CFAP92: variants seen among roughly 807,000 people sequenced by gnomAD.
CFAP92 encodes cilia and flagella associated protein 92 (putative).
A neutral mutation model predicts 106.3 loss-of-function variants in CFAP92; 86 were observed. The ratio of observed to expected loss-of-function variants is 0.81; its 90% CI spans 0.68 to 0.97. The LOEUF (loss-of-function observed/expected upper bound fraction) is 0.97, where lower values mean the gene tolerates loss of function less well. Among genes scored for constraint, CFAP92 ranks in the 50% least tolerant of loss-of-function variants. The probability of loss-of-function intolerance (pLI) is 0.00; values close to 1 mark genes in which losing one functional copy is unlikely to be tolerated. For synonymous variants in CFAP92, 477 were observed against 506.4 expected (o/e 0.94, Z 0.78); for missense variants, 1,204 against 1,283.8 (o/e 0.94, Z 0.95).
rs1576562891 is a variant in CFAP92, at chr3:128,967,336, A to G, written c.1169-1641T>C. 2.6e-5 allele frequency: 4 copies of G among 152,284 alleles called. No homozygotes were observed. In the South Asian group the frequency reaches 8.3e-4, roughly 32 times the overall value. 9.4% of individuals were successfully genotyped at this position (152,284 alleles called of 1,614,324 possible). On this transcript the variant is annotated intron_variant, in intron 8 of 15. Coordinates refer to ENST00000645291, the MANE Select transcript of CFAP92 (RefSeq NM_001394090.1). ...GCTCCCGCAGGATCCTCTTTAACAA[A>G]GCTGATTCATAAAAGCTGTCACCCA...
rs756247621 is a variant in CFAP92 at position 128,912,547 on chromosome 3, C to T, written c.3281-2214G>A. The T allele has an allele frequency of 1.9e-6, 3 of 1,614,014 alleles. No homozygotes were observed. Among genetic ancestry groups the T allele is most frequent in the Non-Finnish European group, 2.5e-6 (3 of 1,180,030 alleles). On this transcript the variant is annotated intron_variant, in intron 15 of 15. Transcript: ENST00000645291. ...TAGATGAGCAGATTAAGAAAGTGTC[C>T]CAGCAGATCCTTGAGAAGCGAGCCT...
At chr3:128,992,932 T>G in intron 2 of CFAP92, 111 bp downstream of exon 2, 1 of 1,324,670 alleles carries the variant, frequency 7.5e-7, no homozygotes, top group Non-Finnish European at 1.1e-6. Flanking sequence ...CAGCCCGCTT[T>G]GGGGTGGGGC....
intron 1 of CFAP92, among the ~76,000 whole-genome samples, chr3:128,999,531 CTTTTTT>C (rs5852556): frequency 2.8e-5 from 2 of 71,582 alleles, no homozygotes; most frequent in African/African-American, 6.2e-5. Context: ...AAATCAGGTT[CTTTTTT>C]TTTTTTTTTT....
intron 12 of CFAP92, among the ~76,000 whole-genome samples, chr3:128,922,051 A>G (rs548608202): frequency 1.3e-5 from 2 of 152,162 alleles, no homozygotes; most frequent in African/African-American, 2.4e-5. Context: ...GAGAAATTCA[A>G]TTAGTTTGCT....
In CFAP92 at chr3:128,978,148, A is replaced by G. The variant is rs1180801772; in HGVS notation, c.705T>C (p.Ser235=). 6.2e-7 allele frequency: 1 copy of G among 1,613,744 alleles called. No homozygotes were observed. Among genetic ancestry groups the G allele is most frequent in the South Asian group, 1.1e-5 (1 of 91,028 alleles). The change falls in exon 5 of 16, where the codon TCT becomes TCC. Residue 235 remains serine, a synonymous_variant. Transcript: ENST00000645291. ...RHLVLNQRKL[S]EQGIENTNIV... Reference sequence around the variant, plus strand: ...TGTTGGTATTCTCAATGCCCTGTTCAGATAATTTTCTCTGATTTAAAACCA... The same window carrying G: ...TGTTGGTATTCTCAATGCCCTGTTCGGATAATTTTCTCTGATTTAAAACCA...
In CFAP92 at chr3:128,945,587, T is replaced by A. The variant is rs1201253856; in HGVS notation, c.1742A>T (p.Asn581Ile). Residue 581 changes from asparagine to isoleucine, a missense_variant, in exon 10 of 16, where the codon AAT (asparagine) becomes ATT (isoleucine). Asn to Ile is a moderately radical substitution (Grantham distance 149, BLOSUM62 -3). Coordinates refer to ENST00000645291, the MANE Select transcript of CFAP92 (RefSeq NM_001394090.1). ...ACAGCTGTGGATGGGGACGGCCAGATTCAAGTACTTGTGGCCAAGGAGGAG... is the reference window on the plus strand; with the variant it reads ...ACAGCTGTGGATGGGGACGGCCAGAATCAAGTACTTGTGGCCAAGGAGGAG... ...ADLLLGHKYL[N>I]LAVPIHSCEV... 1.3e-6 allele frequency: 2 copies of A among 1,535,984 alleles called. No homozygotes were observed. The highest frequency in any genetic ancestry group is 2.7e-5 in the African/African-American group (2 of 73,018).
upstream of CFAP92, among the ~76,000 whole-genome samples, chr3:129,005,399 G>A (rs769569281): frequency 5.9e-5 from 9 of 152,246 alleles, no homozygotes; most frequent in Non-Finnish European, 1.2e-4. Context: ...ACTAAAAGGA[G>A]GCCAGAGTGG....
rs1205824541 is a variant in CFAP92 at position 128,945,403 on chromosome 3, C to T, written c.1926G>A (p.Leu642=). Residue 642 remains leucine (L), a synonymous_variant, in exon 10 of 16, where the codon CTG becomes CTA. Transcript: ENST00000645291. Reference sequence around the variant, plus strand: ...GATCAGCAGCTCTGGCCCCGGCCCTCAGTGGCACCGCGATGTCCACTCGCA... The same window carrying T: ...GATCAGCAGCTCTGGCCCCGGCCCTTAGTGGCACCGCGATGTCCACTCGCA... ...LKLRVDIAVP[L]RAGARAADPD... is the part of the protein sequence containing the mutation. The T allele has an allele frequency of 6.5e-7, 1 of 1,536,168 alleles. No homozygotes were observed. The highest frequency in any genetic ancestry group is 8.7e-7 in the Non-Finnish European group (1 of 1,146,916).
chr3:128,918,157 T>C (rs1384063071), intron 12 of CFAP92, among the ~76,000 whole-genome samples: 1 of 152,186 alleles, frequency 6.6e-6, no homozygotes, highest in Non-Finnish European at 1.5e-5. Context: ...GCCTTAGGTT[T>C]TACATAAAAC....
At chr3:128,952,441 A>T (rs1374585822) in intron 9 of CFAP92, among the ~76,000 whole-genome samples, 1 of 152,212 alleles carries the variant, frequency 6.6e-6, no homozygotes, top group Non-Finnish European at 1.5e-5. Flanking sequence ...TATATCCAAG[A>T]TAGAATTTTT....
chr3:128,999,735 G>A lies in CFAP92; in HGVS notation n.117+2839C>T, dbSNP rs543403468. On this transcript the variant is annotated intron_variant and non_coding_transcript_variant, in intron 1 of 4. Transcript: ENST00000510149. ...TGGTATTTTTAGTAGAGATGGGGGT[G>A]GTTCACTATGTTGTCCAGGCTGTTC... Among the ~76,000 whole-genome samples, 10 of 151,646 alleles carry A rather than the reference G, an allele frequency of 6.6e-5. No homozygotes were observed. In the South Asian group the frequency reaches 1.5e-3, roughly 22 times the overall value.
intron 12 of CFAP92, among the ~76,000 whole-genome samples, chr3:128,924,710 G>C (rs186854032): frequency 6.6e-6 from 1 of 152,002 alleles, no homozygotes. Context: ...GCCTCCCAAA[G>C]TGCTGGGATT....
intron 8 of CFAP92, chr3:128,969,639 AG>A (rs1352887439): frequency 6.6e-6 from 1 of 151,848 alleles, no homozygotes; most frequent in African/African-American, 2.4e-5. Context: ...CATGCCAGGC[AG>A]GCCCAAATGG....
rs114693628 is a variant in CFAP92 at position 128,922,039 on chromosome 3, C to T, written c.2752-5768G>A. ...CGGGAATAATTGACTCTGATTATAC[C>T]GGAGAAATTCAATTAGTTTGCTGGG... is the stretch of plus-strand genomic sequence containing the variant. On this transcript the variant is annotated intron_variant, in intron 12 of 15. Coordinates refer to ENST00000645291, the MANE Select transcript of CFAP92 (RefSeq NM_001394090.1). Among the ~76,000 whole-genome samples, 295 of 152,156 alleles carry T rather than the reference C, an allele frequency of 1.9e-3. 1 individual carries two copies. The highest frequency in any genetic ancestry group is 5.2e-3 in the East Asian group (27 of 5,172).
At chr3:128,942,973 T>C (rs1173936906) in intron 10 of CFAP92, among the ~76,000 whole-genome samples, 1 of 135,154 alleles carries the variant, frequency 7.4e-6, no homozygotes, top group Non-Finnish European at 1.5e-5. Context: ...CAGGCTGGAG[T>C]GCAGTGGCGC....
chr3:128,945,384 C>A lies in CFAP92; in HGVS notation c.1945G>T (p.Ala649Ser). 1 of 1,536,150 alleles carries A rather than the reference C, an allele frequency of 6.5e-7. No individual in the cohort carries two copies. Among genetic ancestry groups the A allele is most frequent in the Non-Finnish European group, 8.7e-7 (1 of 1,146,900 alleles). Residue 649 changes from alanine (A) to serine (S), a missense_variant, in exon 10 of 16, where the codon GCT becomes TCT. Transcript: ENST00000645291. ...AVPLRAGARAADPDLGGSQFG... is the reference protein window; with the variant it reads ...AVPLRAGARASDPDLGGSQFG... The stretch of plus-strand genomic sequence containing the variant: ...TGGGAGCCCCCAAGGTCAGGATCAG[C>A]AGCTCTGGCCCCGGCCCTCAGTGGC...
In CFAP92 at chr3:128,945,844, G is replaced by A; in HGVS notation, c.1485C>T (p.Pro495=). ...INVIFLGALH[P]SDLREYLEGP... ...CCTCCAGGTATTCCCTTAGGTCACT[G>A]GGGTGCAGTGCCCCAAGGAAGATGA... The change falls in exon 10 of 16, where the codon CCC becomes CCT. Residue 495 remains proline (P), a synonymous_variant. Coordinates refer to ENST00000645291, the MANE Select transcript of CFAP92 (RefSeq NM_001394090.1). The A allele has an allele frequency of 6.6e-7, 1 of 1,507,554 alleles. No homozygotes were observed. Among genetic ancestry groups the A allele is most frequent in the Non-Finnish European group, 8.8e-7 (1 of 1,134,798 alleles). 93.4% of individuals were successfully genotyped at this position (1,507,554 alleles called of 1,614,324 possible).
chr3:129,002,037 C>G (rs1309947085), intron 1 of CFAP92: 5 of 1,543,838 alleles, frequency 3.2e-6, no homozygotes, highest in Non-Finnish European at 4.4e-6. Flanking sequence ...GCGCGCCGAG[C>G]CGCCGGAGCT....
At chr3:128,935,372 C>G in intron 10 of CFAP92, 53 bp from the exon 11 acceptor site, 1 of 1,288,700 alleles carries the variant, frequency 7.8e-7, no homozygotes, top group East Asian at 2.6e-5. Flanking sequence ...TCCTGGGACA[C>G]CGTGGTGAGG....
Sources: gnomAD v4.1 joint callset for allele counts (sites outside exome capture counted in the v4.1 genomes callset) on GRCh38, gnomAD v4.1.1 for gene constraint, MANE v1.5 for transcripts, NCBI Gene and HGNC (gene_info 2026-07-23, HGNC 2026-07-21) for gene names.